Variants in GPR39 observed in about 807,000 individuals in gnomAD.
The protein encoded by GPR39 is zinc sensing receptor.
Under a neutral mutation model 18.4 loss-of-function variants are expected in GPR39, and 23 were observed. That is an observed-to-expected ratio of 1.25 (90% CI 0.90 to 1.77). GPR39 has a LOEUF of 1.77. Among genes scored for constraint, GPR39 ranks in the 40% most tolerant of loss-of-function variants. The pLI is 0.00. For synonymous variants in GPR39, 280 were observed against 257.9 expected, an observed-to-expected ratio of 1.09 and a Z score of -0.82; for missense variants, 647 against 602.4, an observed-to-expected ratio of 1.07 and a Z score of -0.78.
At chr2:132,457,439 T>G (rs1680750327) in intron 1 of GPR39, among the ~76,000 whole-genome samples, 1 of 152,178 alleles carries the variant, frequency 6.6e-6, no homozygotes, top group Non-Finnish European at 1.5e-5. Flanking sequence ...TCCTTTAGCT[T>G]GGAGAAGTTT....
chr2:132,640,069 G>T (rs1681832226), intron 1 of GPR39, among the ~76,000 whole-genome samples: 1 of 152,142 alleles, frequency 6.6e-6, no homozygotes, highest in African/African-American at 2.4e-5. Flanking sequence ...GAGTTACAAG[G>T]CTGGTCTCAA....
At chr2:132,446,406 G>A (rs978968065) in intron 1 of GPR39, among the ~76,000 whole-genome samples, 1 of 152,208 alleles carries the variant, frequency 6.6e-6, no homozygotes, top group East Asian at 1.9e-4. Flanking sequence ...TCTTAAAACA[G>A]TGTTAGGGCC....
At chr2:132,567,175 A>T (rs1680363420) in intron 1 of GPR39, among the ~76,000 whole-genome samples, 1 of 152,304 alleles carries the variant, frequency 6.6e-6, no homozygotes, top group South Asian at 2.1e-4. Flanking sequence ...TACAAAAATT[A>T]ACCGGGCATG....
Position 132,417,344 on chromosome 2 carries a change from C to T in GPR39, c.302C>T (p.Thr101Met), listed in dbSNP as rs908282494. Residue 101 changes from threonine (T) to methionine (M), a missense_variant, in exon 1 of 2, where the codon ACG becomes ATG. Transcript: ENST00000329321. ...FYSIIWNPLT[T>M]SSYTLSCKLH... ...AGCATCATCTGGAATCCCCTGACCA[C>T]GTCCAGCTACACCCTGTCCTGCAAG... 5 of 1,614,190 alleles carry T rather than the reference C, an allele frequency of 3.1e-6. No homozygotes were observed. Among genetic ancestry groups the T allele is most frequent in the South Asian group, 1.1e-5 (1 of 91,076 alleles).
chr2:132,417,299 G>T lies in GPR39; in HGVS notation c.257G>T (p.Gly86Val). The T allele has an allele frequency of 6.2e-7, 1 of 1,614,154 alleles. No homozygotes were observed. The highest frequency in any genetic ancestry group is 8.5e-7 in the Non-Finnish European group (1 of 1,180,022). Residue 86 changes from glycine to valine, a missense_variant, in exon 1 of 2, where the codon GGC (glycine) becomes GTC (valine). Around this residue, in one of 3 missense-constraint regions of GPR39, gnomAD observed 581 missense variants for 506.8 expected, o/e 1.15. Coordinates refer to ENST00000329321, the MANE Select transcript of GPR39 (RefSeq NM_001508.3). ...ACSDILVFLI[G>V]MPMEFYSIIW... Reference sequence around the variant, plus strand: ...TCGGACATCTTGGTGTTCCTCATCGGCATGCCCATGGAGTTCTACAGCATC... The same window carrying T: ...TCGGACATCTTGGTGTTCCTCATCGTCATGCCCATGGAGTTCTACAGCATC...
At chr2:132,633,596 A>C (rs1039235879) in intron 1 of GPR39, among the ~76,000 whole-genome samples, 1 of 152,184 alleles carries the variant, frequency 6.6e-6, no homozygotes, top group African/African-American at 2.4e-5. Context: ...GGTTCTAGTC[A>C]GCCTTCTCCT....
At chr2:132,549,157 A>G (rs1242315245) in intron 1 of GPR39, among the ~76,000 whole-genome samples, 1 of 152,142 alleles carries the variant, frequency 6.6e-6, no homozygotes, top group Admixed American at 6.5e-5. Context: ...CTTGCCTTTC[A>G]ATGGAGCCTG....
chr2:132,635,482 A>T (rs1371394764), intron 1 of GPR39, among the ~76,000 whole-genome samples: 1 of 152,148 alleles, frequency 6.6e-6, no homozygotes, highest in Non-Finnish European at 1.5e-5. Flanking sequence ...TTAAGCAGAA[A>T]CTTCTGGACT....
At chr2:132,468,433 G>A (rs1472336560) in intron 1 of GPR39, among the ~76,000 whole-genome samples, 1 of 152,194 alleles carries the variant, frequency 6.6e-6, no homozygotes, top group East Asian at 1.9e-4. Context: ...GAAGTGGCAG[G>A]GTGGGAGAGA....
intron 1 of GPR39, among the ~76,000 whole-genome samples, chr2:132,552,961 G>A (rs992663085): frequency 1.3e-5 from 2 of 148,896 alleles, no homozygotes; most frequent in Admixed American, 1.3e-4. Flanking sequence ...TTTGGAAACA[G>A]AGTCTCACTC....
intron 1 of GPR39, among the ~76,000 whole-genome samples, chr2:132,441,422 T>C (rs1386550439): frequency 1.3e-5 from 2 of 151,780 alleles, no homozygotes; most frequent in African/African-American, 2.4e-5. Flanking sequence ...AGATAGCAAA[T>C]GTTTATTGAA....
chr2:132,585,956 T>TTTTG (rs1553458361), intron 1 of GPR39, among the ~76,000 whole-genome samples: 26 of 139,490 alleles, frequency 1.9e-4, no homozygotes, highest in African/African-American at 6.7e-4. Flanking sequence ...CGGTTTTTTT[T>TTTTG]TTTTTTTTTT....
At chr2:132,449,259 T>TGG (rs1680592739) in intron 1 of GPR39, among the ~76,000 whole-genome samples, 1 of 109,614 alleles carries the variant, frequency 9.1e-6, no homozygotes, top group Non-Finnish European at 2.2e-5. Flanking sequence ...TTGTTTTGTT[T>TGG]TGTTTTGAGA....
At chr2:132,432,849 C>T (rs1224400636) in intron 1 of GPR39, among the ~76,000 whole-genome samples, 1 of 152,152 alleles carries the variant, frequency 6.6e-6, no homozygotes, top group Non-Finnish European at 1.5e-5. Context: ...CTGCATTAGA[C>T]ATAAACTGGT....
At chr2:132,532,130 C>T (rs1202555536) in intron 1 of GPR39, among the ~76,000 whole-genome samples, 1 of 152,108 alleles carries the variant, frequency 6.6e-6, no homozygotes, top group Non-Finnish European at 1.5e-5. Flanking sequence ...AGAGAAGAAT[C>T]AAATAGACAC....
chr2:132,643,062 G>A (rs765369162), intron 1 of GPR39, among the ~76,000 whole-genome samples: 5 of 152,098 alleles, frequency 3.3e-5, no homozygotes, highest in Non-Finnish European at 4.4e-5. Flanking sequence ...TCCTCGAAGT[G>A]GGAGAAAAGT....
chr2:132,563,642 T>C (rs1489581123), intron 1 of GPR39, among the ~76,000 whole-genome samples: 3 of 152,202 alleles, frequency 2.0e-5, no homozygotes, highest in African/African-American at 7.2e-5. Flanking sequence ...AGCTCAGAGC[T>C]TCTCAACCCT....
chr2:132,445,628 A>G (rs1190533455), intron 1 of GPR39, among the ~76,000 whole-genome samples: 1 of 152,098 alleles, frequency 6.6e-6, no homozygotes, highest in Non-Finnish European at 1.5e-5. Context: ...TTAAAAATGT[A>G]TACAGGGATT....
chr2:132,549,860 A>G (rs577964339), intron 1 of GPR39, among the ~76,000 whole-genome samples: 1 of 152,294 alleles, frequency 6.6e-6, no homozygotes, highest in South Asian at 2.1e-4. Context: ...GGCCTAGAAC[A>G]TGACTTCTTT....
Sources: allele counts gnomAD v4.1 joint callset (sites outside exome capture counted in the v4.1 genomes callset), GRCh38; gene constraint gnomAD v4.1.1; regional missense constraint gnomAD v4.1.1; transcripts MANE v1.5; gene names NCBI Gene and HGNC (gene_info 2026-07-23, HGNC 2026-07-21).